Variants in QTGAL observed in about 807,000 individuals in gnomAD.
QTGAL encodes the protein BGnT-like protein 1.
the QTGAL span, among the ~76,000 whole-genome samples, chr17:82,971,601 G>C: frequency 2.0e-5 from 3 of 149,336 alleles, no homozygotes; most frequent in Non-Finnish European, 4.5e-5. Context: ...GAAGGACCCG[G>C]TACTGACCAC....
At chr17:83,033,514 C>G in the QTGAL span, among the ~76,000 whole-genome samples, 4 of 151,714 alleles carry the variant, frequency 2.6e-5, no homozygotes, top group African/African-American at 7.3e-5. Flanking sequence ...CTCTGTCGCC[C>G]AGGCTGGAGT....
At chr17:83,012,987 C>CAGAAACTGACTTCCGGAGCCTGT in the QTGAL span, among the ~76,000 whole-genome samples, 1 of 152,162 alleles carries the variant, frequency 6.6e-6, no homozygotes, top group African/African-American at 2.4e-5. Flanking sequence ...TGTAAACTTC[C>CAGAAACTGACTTCCGGAGCCTGT]AGAAACTGAC....
the QTGAL span, chr17:83,014,429 C>T: frequency 1.4e-5 from 22 of 1,607,742 alleles, no homozygotes; most frequent in African/African-American, 6.7e-5. Context: ...AAGGTAGTAA[C>T]GACACTAAGG....
chr17:83,039,054 T>C, the QTGAL span, among the ~76,000 whole-genome samples: 3 of 152,198 alleles, frequency 2.0e-5, no homozygotes, highest in Non-Finnish European at 2.9e-5. Context: ...CACAAGACGA[T>C]GATGATGACA....
the QTGAL span, among the ~76,000 whole-genome samples, chr17:82,953,865 A>G: frequency 6.6e-6 from 1 of 152,242 alleles, no homozygotes; most frequent in Non-Finnish European, 1.5e-5. Context: ...CAATAAACAT[A>G]ATCCATCACA....
chr17:82,970,687 AGG>A, the QTGAL span, among the ~76,000 whole-genome samples: 111 of 81,174 alleles, frequency 1.4e-3, no homozygotes, highest in Non-Finnish European at 1.7e-3. Flanking sequence ...CCGTGATGCG[AGG>A]CCTCTGCACA....
the QTGAL span, among the ~76,000 whole-genome samples, chr17:83,047,168 C>G: frequency 3.9e-5 from 6 of 152,206 alleles, no homozygotes; most frequent in Non-Finnish European, 7.4e-5. Flanking sequence ...GATTCAGTGT[C>G]TAGTGAGGGC....
At chr17:82,969,583 G>C in the QTGAL span, among the ~76,000 whole-genome samples, 1 of 152,208 alleles carries the variant, frequency 6.6e-6, no homozygotes, top group Non-Finnish European at 1.5e-5. Context: ...GTGGGAATTC[G>C]AGCCTCGCCT....
At chr17:82,967,391 T>C in the QTGAL span, among the ~76,000 whole-genome samples, 29 of 152,190 alleles carry the variant, frequency 1.9e-4, no homozygotes, top group African/African-American at 4.1e-4. Context: ...CGTCTCACTG[T>C]GGATCCCTTT....
the QTGAL span, among the ~76,000 whole-genome samples, chr17:82,968,213 C>T: frequency 0.17 from 25,601 of 152,126 alleles, 2,579 homozygotes; most frequent in Admixed American, 0.23. Flanking sequence ...GCACCGTCCC[C>T]GTGTGTGTTC....
the QTGAL span, chr17:82,961,191 G>T: frequency 2.1e-5 from 34 of 1,603,990 alleles, no homozygotes; most frequent in Admixed American, 3.4e-4. Context: ...CCTGCAGGGC[G>T]GGAGAAGCAG....
At chr17:83,020,831 G>A in the QTGAL span, among the ~76,000 whole-genome samples, 2 of 152,200 alleles carry the variant, frequency 1.3e-5, no homozygotes, top group East Asian at 1.9e-4. Context: ...AGAACACCCC[G>A]AGTTTTCTGC....
At chr17:83,044,945 C>CA in the QTGAL span, among the ~76,000 whole-genome samples, 55,742 of 131,532 alleles carry the variant, frequency 0.42, 10,789 homozygotes, top group East Asian at 0.61. Flanking sequence ...GACTCTGTCT[C>CA]AAAAAAAAAA....
At chr17:83,041,005 G>A in the QTGAL span, among the ~76,000 whole-genome samples, 1 of 150,802 alleles carries the variant, frequency 6.6e-6, no homozygotes, top group Non-Finnish European at 1.5e-5. Flanking sequence ...GGCAGAGCTT[G>A]CAGTGAGCCA....
At chr17:83,039,402 C>T in the QTGAL span, among the ~76,000 whole-genome samples, 2 of 81,032 alleles carry the variant, frequency 2.5e-5, no homozygotes, top group South Asian at 4.3e-4. Flanking sequence ...GCTGGGCGCC[C>T]GCCGCCCGCC....
the QTGAL span, among the ~76,000 whole-genome samples, chr17:82,974,526 G>A: frequency 6.6e-6 from 1 of 152,232 alleles, no homozygotes; most frequent in African/African-American, 2.4e-5. Flanking sequence ...CCCCTCGTGA[G>A]GGACAGGAGT....
chr17:83,019,375 C>T, the QTGAL span, among the ~76,000 whole-genome samples: 12 of 152,258 alleles, frequency 7.9e-5, no homozygotes, highest in Middle Eastern at 3.4e-3. Context: ...CAAATTATCA[C>T]GCACAAAATA....
chr17:83,028,479 T>G, the QTGAL span, among the ~76,000 whole-genome samples: 15 of 138,344 alleles, frequency 1.1e-4, no homozygotes, highest in African/African-American at 3.9e-4. Context: ...GAGCCGAGAT[T>G]GCGCCACTGC....
chr17:82,957,633 C>T, the QTGAL span: 13 of 1,256,008 alleles, frequency 1.0e-5, no homozygotes, highest in South Asian at 2.0e-4. Flanking sequence ...GAGAGACTGG[C>T]TGTCCTACAG....
Sources: allele counts gnomAD v4.1 joint callset (sites outside exome capture counted in the v4.1 genomes callset), GRCh38; gene constraint gnomAD v4.1.1; transcripts MANE v1.5; gene names NCBI Gene and HGNC (gene_info 2026-07-23, HGNC 2026-07-21).